Variants in ZNF804A observed in about 807,000 individuals in gnomAD.
The protein encoded by ZNF804A is zinc finger protein 804A.
ZNF804A carries 2 observed loss-of-function variants against 16.5 expected under a neutral mutation model. That is an observed-to-expected ratio of 0.12 (90% confidence interval 0.05 to 0.38). The LOEUF (loss-of-function observed/expected upper bound fraction) is 0.38, where lower values mean the gene tolerates loss of function less well. Among genes scored for constraint, ZNF804A ranks in the 10% least tolerant of loss-of-function variants. ZNF804A has a pLI of 0.99. For missense variants in ZNF804A, 1,473 were observed against 1,390.7 expected (o/e 1.06, Z -0.94); for synonymous variants, 534 against 489.6 (o/e 1.09, Z -1.20).
At chr2:184,729,667 G>A (rs532254107) in intron 1 of ZNF804A, among the ~76,000 whole-genome samples, 6 of 152,162 alleles carry the variant, frequency 3.9e-5, no homozygotes, top group Non-Finnish European at 5.9e-5. Context: ...TTAATCAAAC[G>A]TTGAATATAG....
At chr2:184,683,663 G>A (rs1422911446) in intron 1 of ZNF804A, among the ~76,000 whole-genome samples, 1 of 152,074 alleles carries the variant, frequency 6.6e-6, no homozygotes, top group African/African-American at 2.4e-5. Flanking sequence ...CAAGGTAGAG[G>A]GTGAGGGAAG....
intron 2 of ZNF804A, among the ~76,000 whole-genome samples, chr2:184,931,843 A>G: frequency 6.6e-6 from 1 of 152,156 alleles, no homozygotes; most frequent in South Asian, 2.1e-4. Flanking sequence ...CTAATTCCAA[A>G]AAATAACTTT....
chr2:184,818,306 C>T (rs1695015174), intron 1 of ZNF804A, among the ~76,000 whole-genome samples: 2 of 151,904 alleles, frequency 1.3e-5, no homozygotes, highest in Non-Finnish European at 1.5e-5. Context: ...TCTGTCCAAA[C>T]TAAGCTTCAG....
chr2:184,843,136 G>A (rs892922077), intron 1 of ZNF804A, among the ~76,000 whole-genome samples: 47 of 152,184 alleles, frequency 3.1e-4, no homozygotes, highest in African/African-American at 9.4e-4. Context: ...AACTCTTTTC[G>A]TGGGAACTTT....
At chr2:184,760,994 G>C (rs566732253) in intron 1 of ZNF804A, among the ~76,000 whole-genome samples, 2 of 151,818 alleles carry the variant, frequency 1.3e-5, no homozygotes, top group African/African-American at 2.4e-5. Context: ...TCCTTTTCTC[G>C]GTCATATAAC....
At chr2:184,846,534 C>T (rs544095212) in intron 1 of ZNF804A, among the ~76,000 whole-genome samples, 2 of 152,014 alleles carry the variant, frequency 1.3e-5, no homozygotes, top group Non-Finnish European at 2.9e-5. Context: ...CACTAGAATA[C>T]AACATACCTC....
chr2:184,639,055 AG>A (rs1210591876), intron 1 of ZNF804A, among the ~76,000 whole-genome samples: 1 of 147,848 alleles, frequency 6.8e-6, no homozygotes, highest in Non-Finnish European at 1.5e-5. Flanking sequence ...CATCTTCTCT[AG>A]GAAGCCCCCT....
intron 1 of ZNF804A, among the ~76,000 whole-genome samples, chr2:184,797,172 G>T (rs953551311): frequency 2.0e-5 from 3 of 152,074 alleles, no homozygotes; most frequent in Admixed American, 6.6e-5. Flanking sequence ...TAAATCAATT[G>T]TTTCTTTCTT....
chr2:184,614,124 A>G (rs1428390077), intron 1 of ZNF804A, among the ~76,000 whole-genome samples: 1 of 152,216 alleles, frequency 6.6e-6, no homozygotes. Flanking sequence ...CCTCAGAAAT[A>G]ACACCACACA....
At chr2:184,782,263 T>C (rs1694381996) in intron 1 of ZNF804A, among the ~76,000 whole-genome samples, 2 of 151,566 alleles carry the variant, frequency 1.3e-5, no homozygotes, top group Non-Finnish European at 2.9e-5. Context: ...ATACTGAGTG[T>C]CAACTTGATT....
intron 1 of ZNF804A, among the ~76,000 whole-genome samples, chr2:184,845,499 A>C (rs1695497854): frequency 6.6e-6 from 1 of 152,044 alleles, no homozygotes; most frequent in African/African-American, 2.4e-5. Flanking sequence ...CTCTGTTGAC[A>C]ATGTTGCCCA....
At chr2:184,924,091 A>G (rs1384409469) in intron 2 of ZNF804A, among the ~76,000 whole-genome samples, 1 of 151,394 alleles carries the variant, frequency 6.6e-6, no homozygotes, top group Non-Finnish European at 1.5e-5. Flanking sequence ...GTCTTATAGG[A>G]GGAGTTTGGA....
At chr2:184,776,128 C>G (rs1483099552) in intron 1 of ZNF804A, among the ~76,000 whole-genome samples, 1 of 151,352 alleles carries the variant, frequency 6.6e-6, no homozygotes, top group Non-Finnish European at 1.5e-5. Flanking sequence ...AACATAGTTT[C>G]TTAGAAAAAA....
intron 1 of ZNF804A, among the ~76,000 whole-genome samples, chr2:184,744,249 A>G (rs1208870467): frequency 6.6e-6 from 1 of 151,920 alleles, no homozygotes; most frequent in Non-Finnish European, 1.5e-5. Context: ...TATTACAAGG[A>G]TCAAACCAAC....
intron 1 of ZNF804A, among the ~76,000 whole-genome samples, chr2:184,771,912 A>G (rs1196102227): frequency 6.6e-6 from 1 of 152,064 alleles, no homozygotes; most frequent in South Asian, 2.1e-4. Context: ...TGAGAGTCGT[A>G]TCCTATCACC....
intron 1 of ZNF804A, among the ~76,000 whole-genome samples, chr2:184,786,227 T>C (rs1033556590): frequency 5.3e-5 from 8 of 152,098 alleles, no homozygotes; most frequent in Non-Finnish European, 7.4e-5. Flanking sequence ...AGGAGAAGAA[T>C]GGTTAGCTTG....
intron 2 of ZNF804A, among the ~76,000 whole-genome samples, chr2:184,897,109 A>G (rs1403451632): frequency 6.6e-6 from 1 of 152,110 alleles, no homozygotes; most frequent in Non-Finnish European, 1.5e-5. Context: ...AATGGGTAGT[A>G]TTAGGTATTT....
At chr2:184,748,846 C>T (rs1693834645) in intron 1 of ZNF804A, among the ~76,000 whole-genome samples, 1 of 151,404 alleles carries the variant, frequency 6.6e-6, no homozygotes, top group African/African-American at 2.4e-5. Context: ...ATAGGGAGTC[C>T]TTTCCTCATT....
chr2:184,642,937 C>T (rs147829265), intron 1 of ZNF804A, among the ~76,000 whole-genome samples: 169 of 152,152 alleles, frequency 1.1e-3, no homozygotes, highest in African/African-American at 1.6e-3. Flanking sequence ...GAAGAGAATA[C>T]GTGTTAATTG....
Sources: gnomAD v4.1 joint callset for allele counts (sites outside exome capture counted in the v4.1 genomes callset) on GRCh38, gnomAD v4.1.1 for gene constraint, MANE v1.5 for transcripts, NCBI Gene and HGNC (gene_info 2026-07-23, HGNC 2026-07-21) for gene names.